MBP: variants seen among roughly 807,000 people sequenced by gnomAD.
MBP encodes myelin basic protein.
MBP carries 16 observed loss-of-function variants against 35.8 expected under a neutral mutation model. The observed-to-expected ratio is 0.45, with a 90% confidence interval of 0.30 to 0.68. The LOEUF (loss-of-function observed/expected upper bound fraction) is 0.68. Among genes scored for constraint, MBP ranks in the 30% least tolerant of loss-of-function variants. The pLI, the probability that MBP is intolerant of heterozygous loss-of-function variation, is 0.08. For missense variants in MBP, 380 were observed against 404.7 expected, an observed-to-expected ratio of 0.94 and a Z score of 0.52; for synonymous variants, 143 against 159.6, an observed-to-expected ratio of 0.90 and a Z score of 0.78.
At chr18:77,078,360 G>A (rs1974747614) in intron 2 of MBP, among the ~76,000 whole-genome samples, 1 of 152,134 alleles carries the variant, frequency 6.6e-6, no homozygotes, top group African/African-American at 2.4e-5. Flanking sequence ...CAGGTTTCTT[G>A]CTGTCTGATT....
At position 77,118,849 on chromosome 18, in the gene MBP, C is replaced by T. The variant is rs562093823; in HGVS notation, c.-25-13563G>A. Among the ~76,000 whole-genome samples, 14 of 150,538 alleles carry T rather than the reference C, an allele frequency of 9.3e-5. No homozygotes were observed. In the South Asian group the frequency reaches 2.3e-3, roughly 25 times the overall value. ...ACACTCCACAGACACTACAGACACA[C>T]ACCACACACACACTCCACAGACACT... is the stretch of plus-strand genomic sequence containing the variant. On this transcript the variant is annotated intron_variant, in intron 1 of 8. Coordinates refer to ENST00000355994, the MANE Select transcript of MBP (RefSeq NM_001025101.2).
At chr18:77,106,481 C>G (rs1290929455) in intron 1 of MBP, among the ~76,000 whole-genome samples, 1 of 152,150 alleles carries the variant, frequency 6.6e-6, no homozygotes, top group Non-Finnish European at 1.5e-5. Flanking sequence ...AGTCCACCTC[C>G]CTCACGTGTG....
At chr18:77,124,904 G>C (rs1667907) in intron 1 of MBP, among the ~76,000 whole-genome samples, 109 of 152,308 alleles carry the variant, frequency 7.2e-4, no homozygotes, top group Middle Eastern at 3.4e-3. Context: ...TTCAGATTTA[G>C]CTAGATTCTC....
chr18:76,998,385 C>A (rs1375387387), intron 4 of MBP, among the ~76,000 whole-genome samples: 1 of 152,208 alleles, frequency 6.6e-6, no homozygotes, highest in African/African-American at 2.4e-5. Flanking sequence ...GCACCGTATG[C>A]GCGGATTGCT....
chr18:77,088,628 AAC>A (rs757770587), intron 2 of MBP, among the ~76,000 whole-genome samples: 3 of 150,172 alleles, frequency 2.0e-5, no homozygotes, highest in African/African-American at 7.4e-5. Flanking sequence ...GCCATTATTA[AAC>A]AGTTTTTTTG....
chr18:77,095,965 G>A (rs1302986550), intron 2 of MBP, among the ~76,000 whole-genome samples: 1 of 152,246 alleles, frequency 6.6e-6, no homozygotes, highest in African/African-American at 2.4e-5. Flanking sequence ...GCATAAAGCA[G>A]CTGTGAGCCA....
chr18:77,021,482 C>CT (rs140602815), intron 3 of MBP, among the ~76,000 whole-genome samples: 13,415 of 122,066 alleles, frequency 0.11, 1,042 homozygotes, highest in East Asian at 0.3. Context: ...GAAGATGCAC[C>CT]TTTTTTTTTT....
chr18:77,068,949 GCCTCACCTCGGGGACTCTGA>G (rs1469712192), intron 2 of MBP: 6 of 462,716 alleles, frequency 1.3e-5, no homozygotes, highest in African/African-American at 4.0e-5. Flanking sequence ...AGCCTTGGGG[GCCTCACCTCGGGGACTCTGA>G]CCTCACCTCG....
intron 1 of MBP, chr18:77,108,494 C>T (rs1029755041): frequency 5.3e-5 from 8 of 152,180 alleles, no homozygotes; most frequent in African/African-American, 1.7e-4. Flanking sequence ...CCATCAGGAC[C>T]GCTGAGACTT....
intron 4 of MBP, among the ~76,000 whole-genome samples, chr18:76,992,939 T>G (rs1481444264): frequency 6.6e-6 from 1 of 152,220 alleles, no homozygotes; most frequent in Non-Finnish European, 1.5e-5. Context: ...TGCAGGGTCC[T>G]TTCTGTCCAC....
At position 76,984,738 on chromosome 18, in the gene MBP, G is replaced by C. The variant is rs756977370; in HGVS notation, c.870+37C>G. On this transcript the variant is annotated intron_variant, in intron 8 of 8. Transcript: ENST00000355994. ...TAGTTGGGGATTCTGGGAGCCCTTA[G>C]TCCCCGCTCAGTGGAGCTGAGCAGA... is the stretch of plus-strand genomic sequence containing the variant. 90 of 1,613,376 alleles carry C rather than the reference G, an allele frequency of 5.6e-5. 1 individual carries two copies. The East Asian group carries it at 1.9e-3, about 35-fold the overall frequency.
chr18:77,025,043 C>T (rs143631391), intron 3 of MBP, among the ~76,000 whole-genome samples: 214 of 152,224 alleles, frequency 1.4e-3, no homozygotes, highest in African/African-American at 4.9e-3. Context: ...CGTAACTCTC[C>T]GAGGCGGGTG....
intron 2 of MBP, among the ~76,000 whole-genome samples, chr18:77,086,318 C>T (rs1975234060): frequency 6.6e-6 from 1 of 152,188 alleles, no homozygotes; most frequent in South Asian, 2.1e-4. Context: ...CCAAAGAGTT[C>T]ATGCATACAA....
Position 77,046,937 on chromosome 18 carries a change from C to G in MBP, c.139+19361G>C, listed in dbSNP as rs113566669. 9.1e-3 allele frequency among the ~76,000 whole-genome samples: 1,383 copies of G among 152,358 alleles called. 43 individuals are homozygous for G. The East Asian group carries it at 0.1, about 11-fold the overall frequency. On this transcript the variant is annotated intron_variant, in intron 3 of 8. Transcript: ENST00000355994. ...CAGAATCTCTGATGCCAGGAAACAT[C>G]AGGGCCTCCATCCCTCAGCTGCCTG... is the stretch of plus-strand genomic sequence containing the variant.
At chr18:76,986,491 C>A in intron 7 of MBP, 1 of 985,524 alleles carries the variant, frequency 1.0e-6, no homozygotes, top group South Asian at 4.7e-5. Flanking sequence ...GCACAGTTTT[C>A]TTTTCATTCA....
At chr18:77,014,247 T>C in intron 4 of MBP, 1 of 985,352 alleles carries the variant, frequency 1.0e-6, no homozygotes, top group Non-Finnish European at 1.2e-6. Context: ...ATTCCCGGGC[T>C]CGGGGGCGGC....
Position 77,042,563 on chromosome 18 carries a change from C to T in MBP, c.139+23735G>A, listed in dbSNP as rs142198297. Among the ~76,000 whole-genome samples, 235 of 152,336 alleles carry T rather than the reference C, an allele frequency of 1.5e-3. 1 individual carries two copies. In the Middle Eastern group the frequency reaches 0.017, roughly 11 times the overall value. On this transcript the variant is annotated intron_variant, in intron 3 of 8. Coordinates refer to ENST00000355994, the MANE Select transcript of MBP (RefSeq NM_001025101.2). ...GATAGACATGACCCCCAGCTTACCA[C>T]GGGAAAAATAGCAGATACATTTCCC...
At chr18:76,993,164 G>A (rs1363140440) in intron 4 of MBP, among the ~76,000 whole-genome samples, 1 of 152,226 alleles carries the variant, frequency 6.6e-6, no homozygotes, top group Non-Finnish European at 1.5e-5. Flanking sequence ...CTAAATGCCA[G>A]GGGCCAGGCA....
In MBP at chr18:76,998,708, A is replaced by C. The variant is rs1462298151; in HGVS notation, c.577-8648T>G. ...CATTTATGAGATGAGACGTACACAC[A>C]GTGTTAGGGTGGCTTGGCTGAGAAG... On this transcript the variant is annotated intron_variant, in intron 4 of 8. Transcript: ENST00000355994. Among the ~76,000 whole-genome samples, 3 of 152,096 alleles carry C rather than the reference A, an allele frequency of 2.0e-5. No homozygotes were observed. In the East Asian group the frequency reaches 5.8e-4, roughly 29 times the overall value.
Sources: allele counts gnomAD v4.1 joint callset (sites outside exome capture counted in the v4.1 genomes callset), GRCh38; gene constraint gnomAD v4.1.1; transcripts MANE v1.5; gene names NCBI Gene and HGNC (gene_info 2026-07-23, HGNC 2026-07-21).